Variants in CMTM8 observed in about 807,000 individuals in gnomAD.
CMTM8 encodes the protein CKLF-like MARVEL transmembrane domain-containing protein 8.
Under a neutral mutation model 18.6 loss-of-function variants are expected in CMTM8, and 12 were observed. The observed-to-expected ratio is 0.65, with a 90% confidence interval of 0.41 to 1.05. The LOEUF (loss-of-function observed/expected upper bound fraction) is 1.05. CMTM8 is among the 50% of genes least tolerant of loss of function. The pLI is 0.00. For missense variants in CMTM8, 217 were observed against 227.2 expected (o/e 0.95, Z 0.29); for synonymous variants, 87 against 90.6 (o/e 0.96, Z 0.23).
At chr3:32,318,463 G>A (rs927314979) in intron 1 of CMTM8, among the ~76,000 whole-genome samples, 16 of 152,024 alleles carry the variant, frequency 1.1e-4, no homozygotes, top group African/African-American at 1.9e-4. Context: ...CTGTGTTTAG[G>A]TCTCAGGAAT....
intron 2 of CMTM8, among the ~76,000 whole-genome samples, chr3:32,360,710 T>C (rs886952318): frequency 6.6e-6 from 1 of 152,170 alleles, no homozygotes. Context: ...TGCTGCCGAG[T>C]TGGACTGCCT....
chr3:32,257,672 G>A (rs1463605021), intron 1 of CMTM8, among the ~76,000 whole-genome samples: 1 of 152,012 alleles, frequency 6.6e-6, no homozygotes, highest in Non-Finnish European at 1.5e-5. Flanking sequence ...ATCACTTTAA[G>A]GATCTTGAGT....
intron 1 of CMTM8, among the ~76,000 whole-genome samples, chr3:32,289,869 A>AT (rs1702749734): frequency 6.6e-6 from 1 of 152,168 alleles, no homozygotes; most frequent in Non-Finnish European, 1.5e-5. Context: ...GATGGTGCAC[A>AT]CCTGTAATCC....
rs543048396 is a variant in CMTM8 at position 32,343,198 on chromosome 3, G to T, written c.148-14175G>T. Among the ~76,000 whole-genome samples, 7 of 152,326 alleles carry T rather than the reference G, an allele frequency of 4.6e-5. No homozygotes were observed. In the South Asian group the frequency reaches 1.5e-3, roughly 32 times the overall value. ...TGACTAGCTCCATGACCCTAGGCTG[G>T]TTGCTTCTGAATGTGTCCTGGACTT... On this transcript the variant is annotated intron_variant, in intron 1 of 3. Transcript: ENST00000307526.
intron 1 of CMTM8, among the ~76,000 whole-genome samples, chr3:32,273,129 A>ATTGTGTGTGTGTGTG: frequency 7.0e-6 from 1 of 143,026 alleles, no homozygotes; most frequent in East Asian, 2.2e-4. Flanking sequence ...ATTGGAACAA[A>ATTGTGTGTGTGTGTG]TGTGTGTGTG....
intron 1 of CMTM8, among the ~76,000 whole-genome samples, chr3:32,310,963 GTCTT>G (rs1351305015): frequency 2.6e-5 from 4 of 151,186 alleles, no homozygotes; most frequent in African/African-American, 9.9e-5. Flanking sequence ...AATTGGACCT[GTCTT>G]TCAACAAGTG....
chr3:32,263,870 T>C (rs987350972), intron 1 of CMTM8, among the ~76,000 whole-genome samples: 41 of 152,000 alleles, frequency 2.7e-4, no homozygotes, highest in African/African-American at 8.9e-4. Context: ...ATCAAATGAA[T>C]GAAATAAAGC....
At chr3:32,316,033 T>C (rs1263631808) in intron 1 of CMTM8, among the ~76,000 whole-genome samples, 1 of 137,254 alleles carries the variant, frequency 7.3e-6, no homozygotes, top group Non-Finnish European at 1.6e-5. Context: ...TTTTTTTTTT[T>C]TTTTTTTTTT....
intron 1 of CMTM8, among the ~76,000 whole-genome samples, chr3:32,269,035 A>G (rs1326767531): frequency 6.6e-6 from 1 of 152,210 alleles, no homozygotes; most frequent in East Asian, 1.9e-4. Flanking sequence ...ACATCAATCA[A>G]TAATTGAAAA....
At chr3:32,315,382 G>T (rs568180803) in intron 1 of CMTM8, among the ~76,000 whole-genome samples, 69 of 152,180 alleles carry the variant, frequency 4.5e-4, no homozygotes, top group African/African-American at 1.4e-3. Flanking sequence ...CACCCACCTC[G>T]GCCTCCCAAA....
At chr3:32,273,373 C>T (rs1702471426) in intron 1 of CMTM8, among the ~76,000 whole-genome samples, 3 of 152,080 alleles carry the variant, frequency 2.0e-5, no homozygotes, top group Non-Finnish European at 2.9e-5. Flanking sequence ...CACACACATG[C>T]TTTCTCAAGG....
chr3:32,272,232 T>G (rs955622583), intron 1 of CMTM8, among the ~76,000 whole-genome samples: 1 of 152,136 alleles, frequency 6.6e-6, no homozygotes, highest in Non-Finnish European at 1.5e-5. Flanking sequence ...TTAGCTACTT[T>G]AGCTTTAAAA....
intron 1 of CMTM8, among the ~76,000 whole-genome samples, chr3:32,275,954 A>G (rs1702510658): frequency 6.6e-6 from 1 of 152,030 alleles, no homozygotes; most frequent in Non-Finnish European, 1.5e-5. Context: ...TATGTACTTC[A>G]GTTAATTCCC....
At chr3:32,247,289 A>G (rs896945418) in intron 1 of CMTM8, among the ~76,000 whole-genome samples, 1 of 152,086 alleles carries the variant, frequency 6.6e-6, no homozygotes, top group Non-Finnish European at 1.5e-5. Flanking sequence ...ACAGAGTTGT[A>G]TAATTATCAC....
At position 32,238,805 on chromosome 3, in the gene CMTM8, AC is replaced by A. The variant is rs1228760731; in HGVS notation, c.-165del. Reference sequence around the variant, plus strand: ...TAGGGGCACCGCGCACTAGAGGGACACCCGCCGCGCCTGGACAGCCCCCGGC... The same window carrying A: ...TAGGGGCACCGCGCACTAGAGGGACACCGCCGCGCCTGGACAGCCCCCGGC... On this transcript the variant is annotated 5_prime_UTR_variant, in exon 1 of 4. Transcript: ENST00000307526. 1 of 392,518 alleles carries A rather than the reference AC, an allele frequency of 2.5e-6. No homozygotes were observed. Among genetic ancestry groups the A allele is most frequent in the Non-Finnish European group, 4.2e-6 (1 of 236,060 alleles). 24.3% of individuals were successfully genotyped at this position (392,518 alleles called of 1,614,324 possible). A position where few individuals can be genotyped will look rare whatever the true frequency, so the allele number is the denominator to read the frequency against.
chr3:32,328,097 C>T (rs191699112), intron 1 of CMTM8, among the ~76,000 whole-genome samples: 43 of 152,046 alleles, frequency 2.8e-4, no homozygotes, highest in African/African-American at 7.7e-4. Context: ...TTTTAAGTGA[C>T]GGCACAGTGG....
intron 2 of CMTM8, among the ~76,000 whole-genome samples, chr3:32,362,598 T>C (rs1020436585): frequency 6.6e-6 from 1 of 152,228 alleles, no homozygotes; most frequent in Non-Finnish European, 1.5e-5. Flanking sequence ...TTCCAGTTTC[T>C]CTTGCCCTTG....
intron 1 of CMTM8, among the ~76,000 whole-genome samples, chr3:32,282,465 T>C (rs1446123030): frequency 6.6e-6 from 1 of 152,116 alleles, no homozygotes; most frequent in Non-Finnish European, 1.5e-5. Context: ...AATGGTGATT[T>C]GGCGATATTA....
intron 1 of CMTM8, among the ~76,000 whole-genome samples, chr3:32,357,106 T>C (rs747991060): frequency 7.9e-5 from 12 of 152,088 alleles, no homozygotes; most frequent in East Asian, 1.9e-4. Flanking sequence ...TAGCCAGGCA[T>C]GGTGCTGCAC....
Sources: allele counts gnomAD v4.1 joint callset (sites outside exome capture counted in the v4.1 genomes callset), GRCh38; gene constraint gnomAD v4.1.1; transcripts MANE v1.5; gene names NCBI Gene and HGNC (gene_info 2026-07-23, HGNC 2026-07-21).